Variants in TTC23L observed in about 807,000 individuals in gnomAD.
TTC23L encodes tetratricopeptide repeat protein 23-like.
Under a neutral mutation model 48.1 loss-of-function variants are expected in TTC23L, and 42 were observed. That is an observed-to-expected ratio of 0.87 (90% CI 0.68 to 1.13). The LOEUF is 1.13. TTC23L is among the 50% of genes most tolerant of loss of function. TTC23L has a pLI of 0.00. For missense variants in TTC23L, 391 were observed against 421.0 expected (o/e 0.93, Z 0.62); for synonymous variants, 159 against 157.2 (o/e 1.01, Z -0.09).
chr5:34,920,974 C>T, the TTC23L span: 2 of 152,206 alleles, frequency 1.3e-5, no homozygotes, highest in Non-Finnish European at 2.9e-5. Context: ...AAGCAATTCT[C>T]CTGCCTCAGC....
chr5:34,902,880 C>T (rs185752970), downstream of TTC23L, among the ~76,000 whole-genome samples: 74 of 151,952 alleles, frequency 4.9e-4, no homozygotes, highest in African/African-American at 1.7e-3. Flanking sequence ...CCAGAATATT[C>T]TGAATTGATT....
chr5:34,860,588 A>T (rs1401554596), intron 4 of TTC23L, among the ~76,000 whole-genome samples: 1 of 152,098 alleles, frequency 6.6e-6, no homozygotes, highest in East Asian at 1.9e-4. Flanking sequence ...GGTGCTTATA[A>T]TGCACAGTGC....
chr5:34,875,438 G>A (rs1368325480), intron 8 of TTC23L, among the ~76,000 whole-genome samples: 1 of 152,168 alleles, frequency 6.6e-6, no homozygotes, highest in African/African-American at 2.4e-5. Flanking sequence ...AAAGTCTGAT[G>A]TTTGGGGGTA....
At position 34,845,571 on chromosome 5, in the gene TTC23L, T is replaced by TA. The variant is rs1264870084; in HGVS notation, c.156dup (p.Ala53SerfsTer2). 6.2e-7 allele frequency: 1 copy of TA among 1,613,846 alleles called. No homozygotes were observed. The highest frequency in any genetic ancestry group is 1.1e-5 in the South Asian group (1 of 91,068). ...GGTGTGGAGAGAGTGAAGAGGAAAC[T>TA]AAAGCTAAAGAGAAGGAGAAGGCCA... is the stretch of plus-strand genomic sequence containing the variant. On this transcript the variant is annotated frameshift_variant, in exon 3 of 11. Transcript: ENST00000505624. LOFTEE classifies it high-confidence loss of function.
intron 8 of TTC23L, among the ~76,000 whole-genome samples, chr5:34,875,193 A>G (rs1467991819): frequency 6.6e-6 from 1 of 152,196 alleles, no homozygotes; most frequent in African/African-American, 2.4e-5. Flanking sequence ...AAGAGTTTCA[A>G]AATATTTGAG....
At chr5:34,914,785 G>T in the TTC23L span, 1 of 1,614,196 alleles carries the variant, frequency 6.2e-7, no homozygotes, top group Admixed American at 1.7e-5. Flanking sequence ...CATGTTCTCG[G>T]AAATGAATAG....
At position 34,867,081 on chromosome 5, in the gene TTC23L, G is replaced by A; in HGVS notation, c.840+12G>A. On this transcript the variant is annotated intron_variant, in intron 7 of 10. Transcript: ENST00000505624. ...AGTACTTGCAGCAGGTCAGTGGGTT[G>A]GCCAGAGCCCAGGCTGGGTTGCCTT... 2 of 1,606,090 alleles carry A rather than the reference G, an allele frequency of 1.2e-6. No individual in the cohort carries two copies. Among genetic ancestry groups the A allele is most frequent in the South Asian group, 1.1e-5 (1 of 89,350 alleles).
the TTC23L span, among the ~76,000 whole-genome samples, chr5:34,917,250 G>T: frequency 6.6e-6 from 1 of 152,198 alleles, no homozygotes; most frequent in African/African-American, 2.4e-5. Flanking sequence ...TGATGTAGAC[G>T]TGAAAATCTA....
chr5:34,880,436 G>GT, intron 9 of TTC23L, 128 bp downstream of exon 9: 1 of 1,010,812 alleles, frequency 9.9e-7, no homozygotes, highest in Non-Finnish European at 1.4e-6. Context: ...GAACCACATT[G>GT]TTTCATTCTT....
chr5:34,843,879 CAA>C (rs1758897763), intron 2 of TTC23L, among the ~76,000 whole-genome samples: 1 of 152,042 alleles, frequency 6.6e-6, no homozygotes, highest in African/African-American at 2.4e-5. Context: ...TTTTCAGAAA[CAA>C]ATGAGGCTCA....
chr5:34,899,950 G>A (rs991885213), downstream of TTC23L, among the ~76,000 whole-genome samples: 5 of 152,046 alleles, frequency 3.3e-5, no homozygotes, highest in African/African-American at 1.2e-4. Context: ...ATGACTTGGG[G>A]GAAAGAAATC....
intron 10 of TTC23L, among the ~76,000 whole-genome samples, chr5:34,898,330 A>T (rs962152818): frequency 3.3e-5 from 5 of 152,142 alleles, no homozygotes; most frequent in Non-Finnish European, 5.9e-5. Context: ...AAAGATATAG[A>T]CTTATCAGGT....
intron 9 of TTC23L, chr5:34,888,518 C>A: frequency 1.0e-6 from 1 of 985,346 alleles, no homozygotes; most frequent in Non-Finnish European, 1.2e-6. Context: ...GACAAAGAGC[C>A]TCCTTACCCT....
intron 8 of TTC23L, among the ~76,000 whole-genome samples, chr5:34,872,801 G>A (rs553435989): frequency 5.3e-5 from 8 of 152,296 alleles, no homozygotes; most frequent in African/African-American, 1.9e-4. Flanking sequence ...AGTGGCTCAC[G>A]CCTGTAATCC....
intron 9 of TTC23L, among the ~76,000 whole-genome samples, chr5:34,882,731 C>T (rs1762310181): frequency 6.6e-6 from 1 of 151,866 alleles, no homozygotes; most frequent in Admixed American, 6.6e-5. Context: ...CCACCTTCTT[C>T]CAGTAATTCA....
intron 10 of TTC23L, among the ~76,000 whole-genome samples, chr5:34,897,512 G>A (rs1763309915): frequency 1.3e-5 from 2 of 151,814 alleles, no homozygotes; most frequent in South Asian, 4.2e-4. Flanking sequence ...TTGTAGTGAC[G>A]AGGTCTCACT....
At chr5:34,890,967 C>T (rs1762832081) in intron 9 of TTC23L, among the ~76,000 whole-genome samples, 1 of 152,160 alleles carries the variant, frequency 6.6e-6, no homozygotes, top group South Asian at 2.1e-4. Context: ...GACTTAACTC[C>T]CTCAGCCTCT....
At chr5:34,862,829 G>C (rs1760778672) in intron 4 of TTC23L, 69 bp from the exon 5 acceptor site, 1 of 1,584,094 alleles carries the variant, frequency 6.3e-7, no homozygotes, top group South Asian at 1.1e-5. Flanking sequence ...CCCCTCCCAG[G>C]AATGTTTTTG....
chr5:34,914,256 C>T, the TTC23L span, among the ~76,000 whole-genome samples: 1 of 152,192 alleles, frequency 6.6e-6, no homozygotes, highest in African/African-American at 2.4e-5. Flanking sequence ...AAATATTCAG[C>T]GTTCTTATCC....
Sources: allele counts gnomAD v4.1 joint callset (sites outside exome capture counted in the v4.1 genomes callset), GRCh38; gene constraint gnomAD v4.1.1; transcripts MANE v1.5; gene names NCBI Gene and HGNC (gene_info 2026-07-23, HGNC 2026-07-21).